The following RASGEF1B variants were observed in gnomAD, a reference collection of about 807,000 sequenced individuals.
RASGEF1B encodes ras-GEF domain-containing family member 1B.
A neutral mutation model predicts 65.7 loss-of-function variants in RASGEF1B; 30 were observed. The ratio of observed to expected loss-of-function variants is 0.46; its 90% CI spans 0.34 to 0.62. The LOEUF (loss-of-function observed/expected upper bound fraction) is 0.62. RASGEF1B is among the 20% of genes least tolerant of loss of function. RASGEF1B has a pLI of 0.01. For synonymous variants in RASGEF1B, 175 were observed against 194.8 expected, an observed-to-expected ratio of 0.90 and a Z score of 0.85; for missense variants, 495 against 580.1, an observed-to-expected ratio of 0.85 and a Z score of 1.51.
chr4:81,427,689 G>A lies in RASGEF1B; in HGVS notation c.*79C>T, dbSNP rs375107913. On this transcript the variant is annotated 3_prime_UTR_variant, in exon 14 of 14. Coordinates refer to ENST00000264400, the MANE Select transcript of RASGEF1B (RefSeq NM_152545.3). ...GGGTCTTCATGAGTGTTCGTGGTAC[G>A]AGATGCCAGAAAACAAAGGCCAGCC... 486 of 1,553,040 alleles carry A rather than the reference G, an allele frequency of 3.1e-4. No homozygotes were observed. The highest frequency in any genetic ancestry group is 4.0e-4 in the Non-Finnish European group (454 of 1,131,394).
chr4:81,429,394 C>G (rs998359391), intron 13 of RASGEF1B, among the ~76,000 whole-genome samples: 2 of 152,138 alleles, frequency 1.3e-5, no homozygotes, highest in Non-Finnish European at 2.9e-5. Flanking sequence ...TTCATTTCAA[C>G]CAATTGATAC....
In RASGEF1B at chr4:81,427,381, C is replaced by CT. The variant is rs965925747; in HGVS notation, c.*386dup. 16 of 189,188 alleles carry CT rather than the reference C, an allele frequency of 8.5e-5. No homozygotes were observed. Among genetic ancestry groups the CT allele is most frequent in the Non-Finnish European group, 1.3e-4 (12 of 92,676 alleles). The allele number at this position is 189,188 out of a possible 1,614,324, so 11.7% of individuals were successfully genotyped here. A position where few individuals can be genotyped will look rare whatever the true frequency, so the allele number is the denominator to read the frequency against. On this transcript the variant is annotated 3_prime_UTR_variant, in exon 14 of 14. Transcript: ENST00000264400. Reference sequence around the variant, plus strand: ...GGGCTTCCTCAGAGCCAGCACTCAGCTGGGCAAGTCCCATTAGCAGCAAAT... The same window carrying CT: ...GGGCTTCCTCAGAGCCAGCACTCAGCTTGGGCAAGTCCCATTAGCAGCAAAT...
intron 1 of RASGEF1B, among the ~76,000 whole-genome samples, chr4:81,469,654 TACACACAC>T (rs35924621): frequency 2.0e-5 from 3 of 150,912 alleles, no homozygotes; most frequent in African/African-American, 4.9e-5. Context: ...TGTGTATATA[TACACACAC>T]ACACACACAC....
At chr4:81,437,967 T>C (rs1721691936) in intron 10 of RASGEF1B, among the ~76,000 whole-genome samples, 1 of 152,352 alleles carries the variant, frequency 6.6e-6, no homozygotes, top group East Asian at 1.9e-4. Context: ...TTGTCAATGA[T>C]GTTTTTAGCA....
At chr4:81,437,255 T>C (rs761621247) in intron 10 of RASGEF1B, among the ~76,000 whole-genome samples, 3 of 152,178 alleles carry the variant, frequency 2.0e-5, no homozygotes, top group Non-Finnish European at 4.4e-5. Context: ...AAAAAAATAA[T>C]AATATTTCAA....
chr4:81,434,794 A>C (rs1488030231), intron 10 of RASGEF1B, 60 bp from the exon 11 acceptor site: 1 of 804,830 alleles, frequency 1.2e-6, no homozygotes, highest in Admixed American at 2.0e-5. Context: ...CTTTCATAAA[A>C]ATACACAAGA....
chr4:81,448,258 T>G lies in RASGEF1B; in HGVS notation c.465A>C (p.Gln155His). Reference sequence around the variant, plus strand: ...GCTTGCGGATCAGACACTGCATCATTTGCTGGACATTCTTTCTGTATGTCT... The same window carrying G: ...GCTTGCGGATCAGACACTGCATCATGTGCTGGACATTCTTTCTGTATGTCT... The part of the protein sequence containing the change: ...EEQTYRKNVQ[Q>H]MMQCLIRKLA... Residue 155 changes from glutamine (Q) to histidine (H), a missense_variant, in exon 5 of 14, where the codon CAA becomes CAC. Coordinates refer to ENST00000264400, the MANE Select transcript of RASGEF1B (RefSeq NM_152545.3). 16 of 1,612,892 alleles carry G rather than the reference T, an allele frequency of 9.9e-6. No homozygotes were observed. Among genetic ancestry groups the G allele is most frequent in the Non-Finnish European group, 1.4e-5 (16 of 1,180,008 alleles).
intron 4 of RASGEF1B, chr4:81,452,569 G>A (rs931001853): frequency 3.3e-5 from 5 of 152,216 alleles, no homozygotes; most frequent in African/African-American, 7.2e-5. Context: ...ATGTGAGAGA[G>A]TGTATGTATA....
At position 81,427,724 on chromosome 4, in the gene RASGEF1B, T is replaced by C. The variant is rs760695573; in HGVS notation, c.*44A>G. ...AAAACAAAGGCCAGCCCCTCCATGA[T>C]CTGCAGGAAGCAGCAGCAGCAGCAG... is the stretch of plus-strand genomic sequence containing the variant. On this transcript the variant is annotated 3_prime_UTR_variant, in exon 14 of 14. Coordinates refer to ENST00000264400, the MANE Select transcript of RASGEF1B (RefSeq NM_152545.3). 6.8e-6 allele frequency: 11 copies of C among 1,612,394 alleles called. No homozygotes were observed. Among genetic ancestry groups the C allele is most frequent in the Non-Finnish European group, 9.3e-6 (11 of 1,179,546 alleles).
At chr4:81,445,871 G>T (rs1356810526) in intron 6 of RASGEF1B, 33 bp from the exon 7 acceptor site, 1 of 1,538,778 alleles carries the variant, frequency 6.5e-7, no homozygotes, top group Admixed American at 1.7e-5. Context: ...AGATGAGTTA[G>T]AGGAAAAAAA....
intron 2 of RASGEF1B, among the ~76,000 whole-genome samples, chr4:81,458,500 T>C (rs1306637318): frequency 6.6e-6 from 1 of 152,196 alleles, no homozygotes; most frequent in Non-Finnish European, 1.5e-5. Flanking sequence ...AAGCACCAAC[T>C]ATCCTTTGCA....
intron 4 of RASGEF1B, among the ~76,000 whole-genome samples, chr4:81,448,885 T>G (rs186900769): frequency 8.7e-4 from 133 of 152,190 alleles, no homozygotes; most frequent in African/African-American, 3.1e-3. Context: ...CGTGATCTTG[T>G]CTCACTATAA....
chr4:81,454,635 AG>A (rs1186225622), intron 4 of RASGEF1B: 1 of 152,230 alleles, frequency 6.6e-6, no homozygotes, highest in African/African-American at 2.4e-5. Flanking sequence ...TTTGTAAGCA[AG>A]GGACCTATCA....
At chr4:81,447,120 T>C (rs1052937252) in intron 6 of RASGEF1B, among the ~76,000 whole-genome samples, 2 of 152,196 alleles carry the variant, frequency 1.3e-5, no homozygotes, top group African/African-American at 4.8e-5. Context: ...ATGTGCATCC[T>C]GTCTTTCCTG....
intron 5 of RASGEF1B, 136 bp from the exon 6 acceptor site, chr4:81,447,714 T>C: frequency 2.8e-6 from 2 of 718,524 alleles, no homozygotes; most frequent in South Asian, 3.6e-5. Context: ...CCCTAAATAA[T>C]TTCATCATCT....
At chr4:81,443,231 C>T (rs1440909931) in intron 8 of RASGEF1B, among the ~76,000 whole-genome samples, 2 of 152,298 alleles carry the variant, frequency 1.3e-5, no homozygotes, top group Admixed American at 1.3e-4. Context: ...TATATTAATT[C>T]CATGCCACCA....
intron 10 of RASGEF1B, among the ~76,000 whole-genome samples, chr4:81,438,506 T>A (rs1262237007): frequency 3.3e-5 from 5 of 152,226 alleles, no homozygotes. Flanking sequence ...CTTTCACTCC[T>A]AGCCTTTGAG....
intron 1 of RASGEF1B, among the ~76,000 whole-genome samples, chr4:81,463,656 A>G (rs1202397420): frequency 6.6e-6 from 1 of 152,178 alleles, no homozygotes; most frequent in Non-Finnish European, 1.5e-5. Context: ...CACAAGGAAA[A>G]ATCAGCAGAA....
chr4:81,459,140 T>C (rs1722552503), intron 2 of RASGEF1B, 192 bp downstream of exon 2: 2 of 525,690 alleles, frequency 3.8e-6, no homozygotes, highest in Non-Finnish European at 6.6e-6. Context: ...TTGATACACA[T>C]AGTATACCAA....
Sources: allele counts gnomAD v4.1 joint callset (sites outside exome capture counted in the v4.1 genomes callset), GRCh38; gene constraint gnomAD v4.1.1; transcripts MANE v1.5; gene names NCBI Gene and HGNC (gene_info 2026-07-23, HGNC 2026-07-21).